Variants in ARRDC1 observed in about 807,000 individuals in gnomAD.
ARRDC1 encodes arrestin domain containing 1, also known as arrestin domain-containing protein 1.
A neutral mutation model predicts 40.1 loss-of-function variants in ARRDC1; 37 were observed. That is an observed-to-expected ratio of 0.92 (90% confidence interval 0.71 to 1.21). The LOEUF is 1.21. Among genes scored for constraint, ARRDC1 ranks in the 50% most tolerant of loss-of-function variants. The pLI, the probability that ARRDC1 is intolerant of heterozygous loss-of-function variation, is 0.00. For synonymous variants in ARRDC1, 310 were observed against 262.5 expected, an observed-to-expected ratio of 1.18 and a Z score of -1.75; for missense variants, 641 against 581.9, an observed-to-expected ratio of 1.10 and a Z score of -1.04.
At position 137,609,558 on chromosome 9, in the gene ARRDC1, T is replaced by C. The variant is rs559387141; in HGVS notation, c.119-3338T>C. Among the ~76,000 whole-genome samples, 20 of 149,646 alleles carry C rather than the reference T, an allele frequency of 1.3e-4. 1 individual carries two copies. The South Asian group carries it at 4.0e-3, about 30-fold the overall frequency. On this transcript the variant is annotated intron_variant, in intron 1 of 7. Coordinates refer to ENST00000371421, the MANE Select transcript of ARRDC1 (RefSeq NM_152285.4). ...CCCAAGACATTGATTTTATTTGAGATGAGGTCTCACTTTGTCACCCAGACT... is the reference window on the plus strand; with the variant it reads ...CCCAAGACATTGATTTTATTTGAGACGAGGTCTCACTTTGTCACCCAGACT...
intron 1 of ARRDC1, among the ~76,000 whole-genome samples, chr9:137,607,503 C>A (rs1228228855): frequency 6.6e-6 from 1 of 152,166 alleles, no homozygotes; most frequent in Admixed American, 6.5e-5. Context: ...CTCAGGCTGG[C>A]CCAGTCCAGG....
At chr9:137,606,639 C>T (rs1224548505) in intron 1 of ARRDC1, among the ~76,000 whole-genome samples, 2 of 152,252 alleles carry the variant, frequency 1.3e-5, no homozygotes, top group Non-Finnish European at 2.9e-5. Flanking sequence ...GGCCCTGACC[C>T]TGCACCGCCT....
rs752265461 is a variant in ARRDC1, at chr9:137,614,461, G to T, written c.781G>T (p.Asp261Tyr). 4.3e-6 allele frequency: 7 copies of T among 1,613,208 alleles called. No individual in the cohort carries two copies. Among genetic ancestry groups the T allele is most frequent in the African/African-American group, 4.0e-5 (3 of 74,908 alleles). The part of the protein sequence containing the change: ...ALPGCSLIHI[D>Y]YYLQVSLKAP... ...GCCGGGCTGCAGCCTCATCCACATC[G>T]ACTACTACTTACAGGTTTGGTGCTG... Residue 261 changes from aspartate to tyrosine, a missense_variant, in exon 6 of 8, where the codon GAC becomes TAC. Physicochemically the swap from Asp to Tyr is radical, Grantham distance 160. Coordinates refer to ENST00000371421, the MANE Select transcript of ARRDC1 (RefSeq NM_152285.4).
At chr9:137,611,366 T>C (rs992320971) in intron 1 of ARRDC1, 3 of 152,290 alleles carry the variant, frequency 2.0e-5, no homozygotes, top group Admixed American at 6.6e-5. Flanking sequence ...CTGGACAGCA[T>C]GGCAAAACCC....
In ARRDC1 at chr9:137,606,093, C is replaced by T. The variant is rs533577020; in HGVS notation, c.118+258C>T. Among the ~76,000 whole-genome samples the T allele has an allele frequency of 2.8e-4, 42 of 151,910 alleles. No individual in the cohort carries two copies. In the South Asian group the frequency reaches 6.8e-3, roughly 25 times the overall value. On this transcript the variant is annotated intron_variant, in intron 1 of 7. Transcript: ENST00000371421. ...GAAGCGGGTCCACTGTGGAGGACGC[C>T]CTGAGCGCGGGCGCACGCAGGCCTG...
chr9:137,606,438 C>T (rs1031122626), intron 1 of ARRDC1, among the ~76,000 whole-genome samples: 1 of 152,236 alleles, frequency 6.6e-6, no homozygotes, highest in Admixed American at 6.5e-5. Context: ...GCGTCCCTGC[C>T]GGGGACTTCT....
At chr9:137,606,512 C>T (rs1481986579) in intron 1 of ARRDC1, among the ~76,000 whole-genome samples, 1 of 152,262 alleles carries the variant, frequency 6.6e-6, no homozygotes, top group Non-Finnish European at 1.5e-5. Context: ...CCTGGACTTG[C>T]CGCTGGACCT....
Position 137,615,224 on chromosome 9 carries a change from C to T in ARRDC1, c.*86C>T, listed in dbSNP as rs919536531. The T allele has an allele frequency of 7.0e-6, 9 of 1,290,336 alleles. No individual in the cohort carries two copies. The African/African-American group carries it at 1.4e-4, about 19-fold the overall frequency. The allele number at this position is 1,290,336 out of a possible 1,614,324, so 79.9% of individuals were successfully genotyped here. A position where few individuals can be genotyped will look rare whatever the true frequency, so the allele number is the denominator to read the frequency against. ...CTCGTGCCTTCTCTCTTGGCCTAGCCTGGCCCACTCAGGACCTGCCCAGCC... is the reference window on the plus strand; with the variant it reads ...CTCGTGCCTTCTCTCTTGGCCTAGCTTGGCCCACTCAGGACCTGCCCAGCC... On this transcript the variant is annotated 3_prime_UTR_variant, in exon 8 of 8. Coordinates refer to ENST00000371421, the MANE Select transcript of ARRDC1 (RefSeq NM_152285.4).
rs199665438 is a variant in ARRDC1 at position 137,614,376 on chromosome 9, C to G, written c.696C>G (p.Ala232=). Residue 232 remains alanine, a synonymous_variant, in exon 6 of 8, where the codon GCC becomes GCG. Transcript: ENST00000371421. The part of the protein sequence containing the change: ...IAEVEGAGVK[A]WRRAQWHEQI... ...AGGTGGAGGGTGCGGGCGTCAAGGC[C>G]TGGCGGCGGGCGCAGTGGCACGAGC... The G allele has an allele frequency of 5.0e-5, 80 of 1,613,070 alleles. No homozygotes were observed. Among genetic ancestry groups the G allele is most frequent in the Non-Finnish European group, 6.5e-5 (77 of 1,179,800 alleles).
At chr9:137,608,135 A>G (rs1287318945) in intron 1 of ARRDC1, among the ~76,000 whole-genome samples, 1 of 152,078 alleles carries the variant, frequency 6.6e-6, no homozygotes, top group Admixed American at 6.6e-5. Flanking sequence ...GGCGCCCGCC[A>G]CCACACCCGG....
intron 2 of ARRDC1, 97 bp from the exon 3 acceptor site, chr9:137,613,363 G>A: frequency 7.4e-7 from 1 of 1,353,724 alleles, no homozygotes; most frequent in Non-Finnish European, 1.0e-6. Flanking sequence ...CCCAGTGTGA[G>A]CTGGTCAGCT....
intron 1 of ARRDC1, among the ~76,000 whole-genome samples, chr9:137,606,286 G>A (rs1318580296): frequency 6.6e-6 from 1 of 152,072 alleles, no homozygotes; most frequent in Non-Finnish European, 1.5e-5. Context: ...AGCAGGCCTC[G>A]CCGGCCCCCC....
At chr9:137,609,571 T>A (rs1842478066) in intron 1 of ARRDC1, among the ~76,000 whole-genome samples, 1 of 150,794 alleles carries the variant, frequency 6.6e-6, no homozygotes, top group Admixed American at 6.6e-5. Flanking sequence ...GGTCTCACTT[T>A]GTCACCCAGA....
Position 137,613,607 on chromosome 9 carries a change from C to A in ARRDC1, c.281-8C>A. 1 of 1,614,210 alleles carries A rather than the reference C, an allele frequency of 6.2e-7. No individual in the cohort carries two copies. The highest frequency in any genetic ancestry group is 8.5e-7 in the Non-Finnish European group (1 of 1,180,032). The stretch of plus-strand genomic sequence containing the variant: ...GCAGCCAGGTACCAGTGCCTGCTCT[C>A]TCCCCAGCCACTGCACCCACGTCCT... On this transcript the variant is annotated splice_polypyrimidine_tract_variant and splice_region_variant and intron_variant, in intron 3 of 7. Transcript: ENST00000371421.
chr9:137,607,810 G>A (rs189836356), intron 1 of ARRDC1, among the ~76,000 whole-genome samples: 5 of 152,198 alleles, frequency 3.3e-5, no homozygotes, highest in African/African-American at 4.8e-5. Context: ...TGCAGGTGGT[G>A]CAAGGGAGGG....
chr9:137,613,962 G>T (rs1332555889), intron 4 of ARRDC1, 70 bp from the exon 5 acceptor site: 2 of 1,583,338 alleles, frequency 1.3e-6, no homozygotes, highest in Admixed American at 1.7e-5. Flanking sequence ...GGGCTGAGGG[G>T]CCTGTCCCAA....
Position 137,614,909 on chromosome 9 carries a change from C to T in ARRDC1, c.1146C>T (p.Val382=), listed in dbSNP as rs1842640235. 2 of 1,613,812 alleles carry T rather than the reference C, an allele frequency of 1.2e-6. No homozygotes were observed. The highest frequency in any genetic ancestry group is 2.2e-5 in the East Asian group (1 of 44,898). ...PPLCISTGAT[V]PYFAEGSGGP... ...TGTGCATTTCAACAGGTGCCACTGT[C>T]CCCTACTTTGCAGAGGGCTCCGGGG... Residue 382 remains valine, a synonymous_variant, in exon 7 of 8, where the codon GTC becomes GTT. Transcript: ENST00000371421.
In ARRDC1 at chr9:137,614,185, A is replaced by G; in HGVS notation, c.589A>G (p.Thr197Ala). The change falls in exon 5 of 8, where the codon ACC becomes GCC. Residue 197 changes from threonine to alanine, a missense_variant. Physicochemically the swap from Thr to Ala is moderately conservative, Grantham distance 58. Coordinates refer to ENST00000371421, the MANE Select transcript of ARRDC1 (RefSeq NM_152285.4). ...CGTTGAGAACCAGTCAGGCAAGGACACCAGCCCTGTGGTGGCCAGTCTGCT... is the reference window on the plus strand; with the variant it reads ...CGTTGAGAACCAGTCAGGCAAGGACGCCAGCCCTGTGGTGGCCAGTCTGCT... ...ADVENQSGKD[T>A]SPVVASLLQK... 3 of 1,607,534 alleles carry G rather than the reference A, an allele frequency of 1.9e-6. No individual in the cohort carries two copies. The highest frequency in any genetic ancestry group is 2.6e-6 in the Non-Finnish European group (3 of 1,175,680).
At position 137,605,740 on chromosome 9, in the gene ARRDC1, A is replaced by G. The variant is rs1428363150; in HGVS notation, c.23A>G (p.Glu8Gly). Reference protein sequence around the residue: MGRVQLFEISLSHGRVVY... With the variant: MGRVQLFGISLSHGRVVY... ...GGCATGGGGCGAGTGCAGCTCTTCG[A>G]GATCAGCCTGAGCCACGGCCGCGTC... Residue 8 changes from glutamate to glycine, a missense_variant, in exon 1 of 8, where the codon GAG becomes GGG. Glu to Gly is a moderately conservative substitution (Grantham distance 98, BLOSUM62 -2). Coordinates refer to ENST00000371421, the MANE Select transcript of ARRDC1 (RefSeq NM_152285.4). 4 of 1,385,824 alleles carry G rather than the reference A, an allele frequency of 2.9e-6. No individual in the cohort carries two copies. The African/African-American group carries it at 4.5e-5, about 16-fold the overall frequency. The allele number at this position is 1,385,824 out of a possible 1,614,324, so 85.8% of individuals were successfully genotyped here. A position where few individuals can be genotyped will look rare whatever the true frequency, so the allele number is the denominator to read the frequency against.
Sources: allele counts gnomAD v4.1 joint callset (sites outside exome capture counted in the v4.1 genomes callset), GRCh38; gene constraint gnomAD v4.1.1; transcripts MANE v1.5; gene names NCBI Gene and HGNC (gene_info 2026-07-23, HGNC 2026-07-21).